CACNA1B: variants seen among roughly 807,000 people sequenced by gnomAD.
CACNA1B encodes voltage-dependent N-type calcium channel subunit alpha-1B.
A neutral mutation model predicts 247.2 loss-of-function variants in CACNA1B; 70 were observed. The observed-to-expected ratio is 0.28, with a 90% CI of 0.23 to 0.35. The LOEUF (loss-of-function observed/expected upper bound fraction) is 0.35, where lower values mean the gene tolerates loss of function less well. Ranked by LOEUF, CACNA1B falls within the 10% of genes least tolerant of loss-of-function variation. CACNA1B has a pLI of 1.00. For synonymous variants in CACNA1B, 1,231 were observed against 1,294.4 expected (o/e 0.95, Z 1.05); for missense variants, 2,367 against 3,197.4 (o/e 0.74, Z 6.26).
Position 137,919,757 on chromosome 9 carries a change from G to A in CACNA1B, c.966+2326G>A, listed in dbSNP as rs943149175. 7.9e-5 allele frequency among the ~76,000 whole-genome samples: 12 copies of A among 152,254 alleles called. No homozygotes were observed. Among genetic ancestry groups the A allele is most frequent in the Non-Finnish European group, 1.3e-4 (9 of 68,048 alleles). On this transcript the variant is annotated intron_variant, in intron 6 of 46. Transcript: ENST00000371372. The surrounding 1 kb of genome is among the most constrained non-coding windows in gnomAD (Gnocchi z 4.6). ...CAGTCCGTGTTGGGAGCAGGAGTGG[G>A]GGTGTGAGCAACAGCGGGCAGCCAG...
rs897408373 is a variant in CACNA1B at position 138,096,428 on chromosome 9, C to T, written c.5095-56C>T. The stretch of plus-strand genomic sequence containing the variant: ...CACACTGGAGAGTGGTGGGGGGCGG[C>T]GGGGAGGGCAGGCTGAGGTCTCTCT... On this transcript the variant is annotated intron_variant, in intron 36 of 46. Coordinates refer to ENST00000371372, the MANE Select transcript of CACNA1B (RefSeq NM_000718.4). 15 of 1,370,444 alleles carry T rather than the reference C, an allele frequency of 1.1e-5. No individual in the cohort carries two copies. In the African/African-American group the frequency reaches 1.2e-4, roughly 11 times the overall value. 84.9% of individuals were successfully genotyped at this position (1,370,444 alleles called of 1,614,324 possible). A position where few individuals can be genotyped will look rare whatever the true frequency, so the allele number is the denominator to read the frequency against.
chr9:137,943,804 G>C (rs911476538), intron 6 of CACNA1B, among the ~76,000 whole-genome samples: 2 of 152,134 alleles, frequency 1.3e-5, no homozygotes, highest in Non-Finnish European at 2.9e-5. Context: ...TGAACAATAG[G>C]CTCTAGATGT....
intron 15 of CACNA1B, among the ~76,000 whole-genome samples, chr9:137,988,056 A>G (rs1332769701): frequency 6.6e-6 from 1 of 152,092 alleles, no homozygotes; most frequent in African/African-American, 2.4e-5. Flanking sequence ...CCTTTCTCTG[A>G]CTTGAAAGCC....
intron 36 of CACNA1B, among the ~76,000 whole-genome samples, chr9:138,086,391 G>A (rs1016425072): frequency 1.3e-5 from 2 of 151,100 alleles, no homozygotes; most frequent in Non-Finnish European, 2.9e-5. Flanking sequence ...CCAGTGTGGT[G>A]GTGCATACTT....
intron 20 of CACNA1B, among the ~76,000 whole-genome samples, chr9:138,035,531 A>G (rs1959032037): frequency 6.6e-6 from 1 of 152,134 alleles, no homozygotes; most frequent in South Asian, 2.1e-4. Context: ...TTATTTTTTA[A>G]GTTTCTGATG....
chr9:137,886,087 G>A lies in CACNA1B; in HGVS notation c.530+3204G>A, dbSNP rs147712317. Among the ~76,000 whole-genome samples the A allele has an allele frequency of 5.3e-5, 8 of 151,562 alleles. No homozygotes were observed. The East Asian group carries it at 5.9e-4, about 11-fold the overall frequency. ...CCAGGAGGGCTCCTGGCGCCTGGCC[G>A]TCTCCTGTGGTCGTCTGAGTGGATC... is the stretch of plus-strand genomic sequence containing the variant. On this transcript the variant is annotated intron_variant, in intron 3 of 46. Coordinates refer to ENST00000371372, the MANE Select transcript of CACNA1B (RefSeq NM_000718.4).
chr9:137,956,603 G>A (rs929042367), intron 8 of CACNA1B, among the ~76,000 whole-genome samples, 168 bp from the exon 9 acceptor site: 19 of 151,162 alleles, frequency 1.3e-4, no homozygotes, highest in Admixed American at 6.6e-4. Flanking sequence ...GCAGTGAGCC[G>A]AGATTGTGCC....
intron 6 of CACNA1B, among the ~76,000 whole-genome samples, chr9:137,931,051 G>A (rs1303002208): frequency 5.3e-5 from 8 of 152,130 alleles, no homozygotes; most frequent in South Asian, 2.1e-4. Context: ...CTTCCACACT[G>A]AAGGAATCTT....
rs1958902726 is a variant in CACNA1B at position 138,024,993 on chromosome 9, C to T, written c.3107C>T (p.Thr1036Ile). The T allele has an allele frequency of 1.9e-6, 3 of 1,594,110 alleles. No individual in the cohort carries two copies. Among genetic ancestry groups the T allele is most frequent in the Non-Finnish European group, 2.6e-6 (3 of 1,170,316 alleles). Reference sequence around the variant, plus strand: ...GACCTGGAGACCAGTGGGACTGTGACTGTGGGTCCCATGCACACACTGCCC... The same window carrying T: ...GACCTGGAGACCAGTGGGACTGTGATTGTGGGTCCCATGCACACACTGCCC... ...HCDLETSGTV[T>I]VGPMHTLPST... is the part of the protein sequence containing the mutation. The change falls in exon 20 of 47, where the codon ACT becomes ATT. Residue 1036 changes from threonine (T) to isoleucine (I), a missense_variant. Thr to Ile is a moderately conservative substitution (Grantham distance 89, BLOSUM62 -1). Transcript: ENST00000371372.
chr9:137,958,644 G>A (rs747223839), intron 10 of CACNA1B, among the ~76,000 whole-genome samples: 5 of 152,150 alleles, frequency 3.3e-5, no homozygotes, highest in African/African-American at 4.8e-5. Flanking sequence ...GTGAATGGCT[G>A]TCCTTCCTCA....
chr9:138,115,653 C>T lies in CACNA1B; in HGVS notation c.5751C>T (p.Ser1917=), dbSNP rs778830716. ...GARVFLRQKS[S]TSLSNGGAIQ... is the part of the protein sequence containing the mutation. ...GGGTTTTCCTTCGACAGAAGAGTTC[C>T]ACCTCCCTCAGCAATGGCGGGGCCA... The change falls in exon 42 of 47, where the codon TCC becomes TCT. Residue 1917 remains serine, a synonymous_variant. Coordinates refer to ENST00000371372, the MANE Select transcript of CACNA1B (RefSeq NM_000718.4). 6.2e-7 allele frequency: 1 copy of T among 1,613,576 alleles called. No individual in the cohort carries two copies. Among genetic ancestry groups the T allele is most frequent in the Non-Finnish European group, 8.5e-7 (1 of 1,179,698 alleles).
At chr9:137,968,557 G>A (rs1958108882) in intron 10 of CACNA1B, among the ~76,000 whole-genome samples, 1 of 152,210 alleles carries the variant, frequency 6.6e-6, no homozygotes, top group South Asian at 2.1e-4. Context: ...CACTTTTGTT[G>A]CCCCCAGTGG....
rs536598021 is a variant in CACNA1B, at chr9:137,913,099, C to A, written c.531-81C>A. On this transcript the variant is annotated intron_variant, in intron 3 of 46. Transcript: ENST00000371372. This position sits in a 1 kb window ranked among gnomAD's most constrained non-coding sequence, Gnocchi z 5.2. ...GTGTCACTGCTCTTGGGAGACATGACCCTGGTGGTGGGAGGAGTGTGTCCT... is the reference window on the plus strand; with the variant it reads ...GTGTCACTGCTCTTGGGAGACATGAACCTGGTGGTGGGAGGAGTGTGTCCT... 5.6e-6 allele frequency: 6 copies of A among 1,076,888 alleles called. No homozygotes were observed. In the East Asian group the frequency reaches 9.7e-5, roughly 17 times the overall value. 66.7% of individuals were successfully genotyped at this position (1,076,888 alleles called of 1,614,324 possible).
chr9:137,917,466 G>T lies in CACNA1B; in HGVS notation c.966+35G>T. On this transcript the variant is annotated intron_variant, in intron 6 of 46. Coordinates refer to ENST00000371372, the MANE Select transcript of CACNA1B (RefSeq NM_000718.4). This position sits in a 1 kb window ranked among gnomAD's most constrained non-coding sequence, Gnocchi z 5.5. ...GTCTTGGCCCTGGGCCTGAGGGCAG[G>T]CCCTGGACCTCCTGAGCTGGTGCCT... 6.3e-7 allele frequency: 1 copy of T among 1,587,358 alleles called. No homozygotes were observed. Among genetic ancestry groups the T allele is most frequent in the Non-Finnish European group, 8.6e-7 (1 of 1,161,564 alleles).
intron 36 of CACNA1B, among the ~76,000 whole-genome samples, chr9:138,081,677 A>C (rs546723164): frequency 1.3e-5 from 2 of 151,274 alleles, no homozygotes; most frequent in Admixed American, 6.6e-5. Context: ...TCTCTGTGAC[A>C]GTCCTGAGAT....
chr9:138,105,952 C>T, intron 39 of CACNA1B, 145 bp downstream of exon 39: 1 of 596,030 alleles, frequency 1.7e-6, no homozygotes. Flanking sequence ...CACAGGATAC[C>T]CACCCTGGGG....
In CACNA1B at chr9:138,007,796, G is replaced by A. The variant is rs909849647; in HGVS notation, c.2092+912G>A. 2.0e-5 allele frequency among the ~76,000 whole-genome samples: 3 copies of A among 152,152 alleles called. No individual in the cohort carries two copies. Among genetic ancestry groups the A allele is most frequent in the Admixed American group, 6.5e-5 (1 of 15,274 alleles). On this transcript the variant is annotated intron_variant, in intron 16 of 46. Transcript: ENST00000371372. This position sits in a 1 kb window ranked among gnomAD's most constrained non-coding sequence, Gnocchi z 4.1. ...GAGCTGGAGACAATGTCTCACAGTC[G>A]ACCTCCCGGCTCTGCTTCTACCCCG...
At chr9:137,908,665 C>G (rs941931033) in intron 3 of CACNA1B, among the ~76,000 whole-genome samples, 4 of 152,004 alleles carry the variant, frequency 2.6e-5, no homozygotes, top group African/African-American at 7.2e-5. Context: ...GAGTCTTGCT[C>G]TGTCGCCCAG....
At position 138,046,888 on chromosome 9, in the gene CACNA1B, G is replaced by A. The variant is rs199757222; in HGVS notation, c.3414-16G>A. On this transcript the variant is annotated splice_polypyrimidine_tract_variant and intron_variant, in intron 21 of 46. Coordinates refer to ENST00000371372, the MANE Select transcript of CACNA1B (RefSeq NM_000718.4). ...CGGCTGGGGGGCCTTGTGGTGATCC[G>A]TGCCTTCCCTCACAGGCTCCGCCGC... 1.9e-4 allele frequency: 304 copies of A among 1,611,642 alleles called. No homozygotes were observed. Among genetic ancestry groups the A allele is most frequent in the Non-Finnish European group, 2.4e-4 (282 of 1,178,488 alleles).
Sources: gnomAD v4.1 joint callset for allele counts (sites outside exome capture counted in the v4.1 genomes callset) on GRCh38, gnomAD v4.1.1 for gene constraint, Gnocchi (gnomAD v3.1) non-coding constraint, MANE v1.5 for transcripts, NCBI Gene and HGNC (gene_info 2026-07-23, HGNC 2026-07-21) for gene names.